Variants in PSMB1 observed in about 807,000 individuals in gnomAD.
PSMB1 encodes the protein proteasome subunit beta type-1.
Under a neutral mutation model 25.4 loss-of-function variants are expected in PSMB1, and 7 were observed. The ratio of observed to expected loss-of-function variants is 0.28; its 90% CI spans 0.16 to 0.52. PSMB1 has a LOEUF of 0.52. PSMB1 is among the 20% of genes least tolerant of loss of function. PSMB1 has a pLI of 0.97. For synonymous variants in PSMB1, 119 were observed against 115.0 expected (o/e 1.03, Z -0.22); for missense variants, 284 against 302.2 (o/e 0.94, Z 0.45).
intron 2 of PSMB1, among the ~76,000 whole-genome samples, chr6:170,548,792 C>T (rs989574479): frequency 6.6e-6 from 1 of 152,110 alleles, no homozygotes; most frequent in African/African-American, 2.4e-5. Context: ...ATTTAGGTTA[C>T]CGAAAGCACT....
At position 170,549,112 on chromosome 6, in the gene PSMB1, T is replaced by C. The variant is rs141147111; in HGVS notation, c.115A>G (p.Thr39Ala). 3.1e-6 allele frequency: 5 copies of C among 1,602,942 alleles called. No homozygotes were observed. The African/African-American group carries it at 5.4e-5, about 17-fold the overall frequency. The change falls in exon 2 of 6, where the codon ACT becomes GCT. Residue 39 changes from threonine (T) to alanine (A), a missense_variant and splice_region_variant. Transcript: ENST00000262193. ...RFSPYVFNGGTILAIAGEDFA... is the reference protein window; with the variant it reads ...RFSPYVFNGGAILAIAGEDFA... ...TCTTCTCCAGCAATTGCCAGTATAGTACTGAGGAAAAAAGAAAAAAATTAA... is the reference window on the plus strand; with the variant it reads ...TCTTCTCCAGCAATTGCCAGTATAGCACTGAGGAAAAAAGAAAAAAATTAA...
intron 1 of PSMB1, among the ~76,000 whole-genome samples, 198 bp downstream of exon 1, chr6:170,552,932 G>A (rs1778931235): frequency 6.6e-6 from 1 of 152,238 alleles, no homozygotes; most frequent in Non-Finnish European, 1.5e-5. Context: ...AAGTAAACTT[G>A]AGCAAAGCGA....
At chr6:170,547,403 T>A (rs1778832317) in intron 2 of PSMB1, among the ~76,000 whole-genome samples, 1 of 152,212 alleles carries the variant, frequency 6.6e-6, no homozygotes, top group South Asian at 2.1e-4. Context: ...CAAAAATTAA[T>A]TCCTAGATCT....
chr6:170,547,103 CCTAA>C (rs1340222512), intron 2 of PSMB1, among the ~76,000 whole-genome samples: 5 of 152,224 alleles, frequency 3.3e-5, no homozygotes, highest in South Asian at 2.1e-4. Flanking sequence ...GCTAAAAATG[CCTAA>C]CTAACTAAAT....
chr6:170,552,814 T>G (rs1778928791), intron 1 of PSMB1, among the ~76,000 whole-genome samples: 1 of 152,246 alleles, frequency 6.6e-6, no homozygotes, highest in African/African-American at 2.4e-5. Flanking sequence ...CAATTTCTAC[T>G]TTACTGTCTT....
chr6:170,552,410 A>G (rs1321340179), intron 1 of PSMB1, among the ~76,000 whole-genome samples: 1 of 152,218 alleles, frequency 6.6e-6, no homozygotes, highest in Non-Finnish European at 1.5e-5. Flanking sequence ...CTCAAGATAA[A>G]GCTGGTAATT....
intron 2 of PSMB1, among the ~76,000 whole-genome samples, chr6:170,546,712 T>TGC (rs1778824562): frequency 6.6e-6 from 1 of 152,174 alleles, no homozygotes; most frequent in Admixed American, 6.5e-5. Flanking sequence ...GTAATCCACC[T>TGC]GCCTTGGCCT....
rs530269472 is a variant in PSMB1, at chr6:170,552,750, A to G, written c.113+380T>C. On this transcript the variant is annotated intron_variant, in intron 1 of 5. Coordinates refer to ENST00000262193, the MANE Select transcript of PSMB1 (RefSeq NM_002793.4). ...CTACCCTCGCCGGCTGGCATAAGAA[A>G]CGTGTACATGAGGTCCAGTTTTAAT... is the stretch of plus-strand genomic sequence containing the variant. Among the ~76,000 whole-genome samples, 8 of 152,338 alleles carry G rather than the reference A, an allele frequency of 5.3e-5. No homozygotes were observed. The South Asian group carries it at 1.7e-3, about 32-fold the overall frequency.
chr6:170,548,654 A>G (rs1199823461), intron 2 of PSMB1, among the ~76,000 whole-genome samples: 2 of 152,180 alleles, frequency 1.3e-5, no homozygotes, highest in Non-Finnish European at 2.9e-5. Flanking sequence ...TTTAGGTCCT[A>G]GGGCTCAGCT....
intron 1 of PSMB1, among the ~76,000 whole-genome samples, chr6:170,551,068 G>A (rs1426620744): frequency 6.6e-6 from 1 of 152,118 alleles, no homozygotes; most frequent in Non-Finnish European, 1.5e-5. Flanking sequence ...CGTGAACCCA[G>A]GAGTTGGAGG....
chr6:170,549,292 G>GA (rs200349864), intron 1 of PSMB1, 179 bp from the exon 2 acceptor site: 287 of 487,432 alleles, frequency 5.9e-4, no homozygotes, highest in African/African-American at 1.4e-3. Flanking sequence ...AGTTGTCTGG[G>GA]AAAAAAAAAT....
intron 4 of PSMB1, 53 bp downstream of exon 4, chr6:170,543,548 T>C: frequency 1.3e-6 from 2 of 1,499,836 alleles, no homozygotes. Flanking sequence ...TACACACATC[T>C]AGGGAATAAT....
At chr6:170,535,497 G>T in intron 5 of PSMB1, 92 bp from the exon 6 acceptor site, 1 of 1,094,228 alleles carries the variant, frequency 9.1e-7, no homozygotes, top group Non-Finnish European at 1.3e-6. Context: ...TGTGTACGAG[G>T]ATTTGTGATG....
At position 170,549,125 on chromosome 6, in the gene PSMB1, A is replaced by AC; in HGVS notation, c.114-13_114-12insG. ...TTGCCAGTATAGTACTGAGGAAAAA[A>AC]GAAAAAAATTAATTCTCCAGGGTGG... is the stretch of plus-strand genomic sequence containing the variant. On this transcript the variant is annotated splice_polypyrimidine_tract_variant and intron_variant, in intron 1 of 5. Coordinates refer to ENST00000262193, the MANE Select transcript of PSMB1 (RefSeq NM_002793.4). The AC allele has an allele frequency of 6.5e-7, 1 of 1,535,492 alleles. No individual in the cohort carries two copies. Among genetic ancestry groups the AC allele is most frequent in the South Asian group, 1.1e-5 (1 of 89,152 alleles).
chr6:170,551,487 A>AG (rs1778901244), intron 1 of PSMB1, among the ~76,000 whole-genome samples: 1 of 152,244 alleles, frequency 6.6e-6, no homozygotes, highest in African/African-American at 2.4e-5. Context: ...ACAATGACTG[A>AG]GAAAAAGTAA....
At chr6:170,551,048 G>A (rs1336669156) in intron 1 of PSMB1, among the ~76,000 whole-genome samples, 1 of 152,056 alleles carries the variant, frequency 6.6e-6, no homozygotes, top group Non-Finnish European at 1.5e-5. Flanking sequence ...GGGAGGCTGA[G>A]GCAGAAATGC....
chr6:170,552,996 G>A (rs1778933214), intron 1 of PSMB1, 134 bp downstream of exon 1: 1 of 699,478 alleles, frequency 1.4e-6, no homozygotes, highest in African/African-American at 1.8e-5. Context: ...CCGGCCTTGT[G>A]CGGACCCCCT....
intron 1 of PSMB1, 140 bp downstream of exon 1, chr6:170,552,990 C>A: frequency 1.5e-6 from 1 of 670,868 alleles, no homozygotes; most frequent in Admixed American, 3.0e-5. Context: ...GGGAGACCGG[C>A]CTTGTGCGGA....
intron 2 of PSMB1, among the ~76,000 whole-genome samples, chr6:170,547,081 C>T (rs896253144): frequency 1.3e-5 from 2 of 152,122 alleles, no homozygotes; most frequent in Non-Finnish European, 2.9e-5. Flanking sequence ...ACTATTTCAA[C>T]CAATTATACT....
Sources: allele counts gnomAD v4.1 joint callset (sites outside exome capture counted in the v4.1 genomes callset), GRCh38; gene constraint gnomAD v4.1.1; transcripts MANE v1.5; gene names NCBI Gene and HGNC (gene_info 2026-07-23, HGNC 2026-07-21).